Variants in MRPS28 observed in about 807,000 individuals in gnomAD.
MRPS28 encodes the protein small ribosomal subunit protein bS1m.
In MRPS28, 7 loss-of-function variants were observed where a neutral mutation model predicts 10.8. The ratio of observed to expected loss-of-function variants is 0.65; its 90% confidence interval spans 0.37 to 1.22. The LOEUF (loss-of-function observed/expected upper bound fraction) is 1.22. Among genes scored for constraint, MRPS28 ranks in the 50% most tolerant of loss-of-function variants. The probability of loss-of-function intolerance (pLI) is 0.02; values close to 1 mark genes in which losing one functional copy is unlikely to be tolerated. For synonymous variants in MRPS28, 121 were observed against 93.3 expected (o/e 1.30, Z -1.71); for missense variants, 265 against 232.9 (o/e 1.14, Z -0.90).
intron 2 of MRPS28, among the ~76,000 whole-genome samples, chr8:79,974,701 A>G (rs910932354): frequency 6.6e-6 from 1 of 152,172 alleles, no homozygotes; most frequent in Non-Finnish European, 1.5e-5. Flanking sequence ...TATGATGTGC[A>G]GTTTTTCAAG....
At chr8:80,012,138 T>C (rs1809069180) in intron 1 of MRPS28, among the ~76,000 whole-genome samples, 1 of 152,030 alleles carries the variant, frequency 6.6e-6, no homozygotes, top group Non-Finnish European at 1.5e-5. Context: ...ATTTTTTGCC[T>C]CTATTATATT....
intron 2 of MRPS28, among the ~76,000 whole-genome samples, chr8:79,932,611 G>A (rs1029203448): frequency 6.6e-6 from 1 of 152,160 alleles, no homozygotes; most frequent in Non-Finnish European, 1.5e-5. Flanking sequence ...GAGGGGAAGT[G>A]AATGATCGAA....
chr8:80,029,975 C>T, intron 1 of MRPS28, 61 bp downstream of exon 1: 3 of 1,575,712 alleles, frequency 1.9e-6, no homozygotes, highest in South Asian at 1.2e-5. Flanking sequence ...CTATTCCCGA[C>T]CCCGCCCACC....
chr8:79,933,456 G>C (rs1806521242), intron 2 of MRPS28, among the ~76,000 whole-genome samples: 1 of 152,198 alleles, frequency 6.6e-6, no homozygotes, highest in African/African-American at 2.4e-5. Context: ...CTGGAAACTT[G>C]GGCTTCAACA....
intron 2 of MRPS28, among the ~76,000 whole-genome samples, chr8:79,968,747 T>C (rs1480459970): frequency 6.6e-6 from 1 of 151,962 alleles, no homozygotes; most frequent in African/African-American, 2.4e-5. Flanking sequence ...AGTTCAATTG[T>C]CACCTACTCT....
intron 1 of MRPS28, among the ~76,000 whole-genome samples, chr8:80,027,614 G>C (rs961549091): frequency 1.3e-5 from 2 of 152,224 alleles, no homozygotes; most frequent in African/African-American, 4.8e-5. Flanking sequence ...TCCACAGTGT[G>C]TGTAATGACC....
At chr8:79,984,744 A>C (rs1319337436) in intron 2 of MRPS28, among the ~76,000 whole-genome samples, 1 of 152,196 alleles carries the variant, frequency 6.6e-6, no homozygotes, top group Non-Finnish European at 1.5e-5. Context: ...ATATATGTGC[A>C]CCCAATACAG....
intron 2 of MRPS28, among the ~76,000 whole-genome samples, chr8:79,931,439 T>C (rs543903505): frequency 3.3e-5 from 5 of 152,330 alleles, no homozygotes; most frequent in African/African-American, 9.6e-5. Context: ...GCCTGTTTAC[T>C]GGTGGGAACT....
intron 2 of MRPS28, among the ~76,000 whole-genome samples, chr8:79,944,025 C>A (rs1412615841): frequency 6.6e-6 from 1 of 152,202 alleles, no homozygotes; most frequent in African/African-American, 2.4e-5. Context: ...CAACAGATAA[C>A]TGACCCTTTG....
chr8:79,972,642 A>T (rs1490851295), intron 2 of MRPS28, among the ~76,000 whole-genome samples: 1 of 152,236 alleles, frequency 6.6e-6, no homozygotes, highest in Non-Finnish European at 1.5e-5. Context: ...AAACAATCAG[A>T]TCACAAATTC....
At chr8:80,022,105 T>G (rs1809383343) in intron 1 of MRPS28, among the ~76,000 whole-genome samples, 2 of 152,214 alleles carry the variant, frequency 1.3e-5, no homozygotes, top group Non-Finnish European at 2.9e-5. Context: ...ACCTCCCTCC[T>G]TCCTAACTCC....
chr8:79,935,855 G>C (rs1418959265), intron 2 of MRPS28, among the ~76,000 whole-genome samples: 1 of 151,912 alleles, frequency 6.6e-6, no homozygotes, highest in African/African-American at 2.4e-5. Flanking sequence ...AGAAGTAAAA[G>C]AAATGGAGGC....
intron 2 of MRPS28, among the ~76,000 whole-genome samples, chr8:79,965,128 A>C (rs1729218327): frequency 6.6e-6 from 1 of 152,160 alleles, no homozygotes; most frequent in Non-Finnish European, 1.5e-5. Flanking sequence ...ATCAATCTAC[A>C]GCCTAATAAT....
intron 2 of MRPS28, among the ~76,000 whole-genome samples, chr8:79,952,022 T>C (rs1274843176): frequency 6.6e-6 from 1 of 152,206 alleles, no homozygotes; most frequent in East Asian, 1.9e-4. Flanking sequence ...AGCATCTTCA[T>C]TACACATGAC....
chr8:80,027,217 T>C (rs1421477759), intron 1 of MRPS28, among the ~76,000 whole-genome samples: 1 of 152,206 alleles, frequency 6.6e-6, no homozygotes, highest in African/African-American at 2.4e-5. Flanking sequence ...AAAGCTAAAA[T>C]GCACTGAATA....
At chr8:80,008,335 G>A (rs550684537) in intron 1 of MRPS28, among the ~76,000 whole-genome samples, 1 of 151,258 alleles carries the variant, frequency 6.6e-6, no homozygotes, top group African/African-American at 2.4e-5. Context: ...AGAAAACCTA[G>A]GCAATACCAT....
chr8:80,020,351 G>A (rs1348678570), intron 1 of MRPS28, among the ~76,000 whole-genome samples: 1 of 152,130 alleles, frequency 6.6e-6, no homozygotes, highest in East Asian at 1.9e-4. Flanking sequence ...TCCCATCACG[G>A]CCTGCACTAG....
chr8:80,006,813 C>T lies in MRPS28; in HGVS notation c.214-3633G>A, dbSNP rs191868853. On this transcript the variant is annotated intron_variant, in intron 1 of 2. Coordinates refer to ENST00000276585, the MANE Select transcript of MRPS28 (RefSeq NM_014018.3). ...CAACCAAAAAAAGTCCAGGACCAGA[C>T]GGATTCACAGCTGAATTCTACCAGA... 5.5e-3 allele frequency among the ~76,000 whole-genome samples: 834 copies of T among 152,200 alleles called. 6 individuals are homozygous for T. The highest frequency in any genetic ancestry group is 0.019 in the African/African-American group (784 of 41,514).
intron 1 of MRPS28, among the ~76,000 whole-genome samples, chr8:80,018,162 A>G (rs539949073): frequency 6.6e-6 from 1 of 151,958 alleles, no homozygotes; most frequent in South Asian, 2.1e-4. Context: ...GCATGGTGGC[A>G]GGCGCCTGTA....
Sources: gnomAD v4.1 joint callset for allele counts (sites outside exome capture counted in the v4.1 genomes callset) on GRCh38, gnomAD v4.1.1 for gene constraint, MANE v1.5 for transcripts, NCBI Gene and HGNC (gene_info 2026-07-23, HGNC 2026-07-21) for gene names.